The following RARS2 variants were observed in gnomAD, a reference collection of about 807,000 sequenced individuals.
RARS2 encodes the protein arginyl-tRNA synthetase 2, mitochondrial.
Under a neutral mutation model 88.5 loss-of-function variants are expected in RARS2, and 67 were observed. The observed-to-expected ratio is 0.76, with a 90% CI of 0.62 to 0.93. RARS2 has a LOEUF of 0.93. Ranked by LOEUF, RARS2 falls within the 40% of genes least tolerant of loss-of-function variation. The probability of loss-of-function intolerance (pLI) is 0.00; values close to 1 mark genes in which losing one functional copy is unlikely to be tolerated. For missense variants in RARS2, 664 were observed against 684.2 expected (o/e 0.97, Z 0.33); for synonymous variants, 239 against 230.3 (o/e 1.04, Z -0.34).
Position 87,555,484 on chromosome 6 carries a change from CA to C in RARS2, c.318del (p.Ile106MetfsTer9). The part of the protein sequence containing the change: ...LLTKTVLQQV[I>X]EDGSKYGLKS... Reference sequence around the variant, plus strand: ...TTTAATCCATATTTTGAGCCATCTTCAATTACTTGTTGTAGCACTGTCTGAA... The same window carrying C: ...TTTAATCCATATTTTGAGCCATCTTCATTACTTGTTGTAGCACTGTCTGAA... On this transcript the variant is annotated frameshift_variant, in exon 5 of 20. Coordinates refer to ENST00000369536, the MANE Select transcript of RARS2 (RefSeq NM_020320.5). LOFTEE classifies it high-confidence loss of function. 1 of 1,613,188 alleles carries C rather than the reference CA, an allele frequency of 6.2e-7. No homozygotes were observed. The highest frequency in any genetic ancestry group is 8.5e-7 in the Non-Finnish European group (1 of 1,179,264).
At chr6:87,531,069 A>T in intron 8 of RARS2, 127 bp from the exon 9 acceptor site, 1 of 1,453,122 alleles carries the variant, frequency 6.9e-7, no homozygotes, top group Non-Finnish European at 9.3e-7. Flanking sequence ...GGTACATTAC[A>T]GAGTGTAACT....
At chr6:87,582,776 T>C (rs536423097) in intron 1 of RARS2, among the ~76,000 whole-genome samples, 11 of 152,320 alleles carry the variant, frequency 7.2e-5, no homozygotes, top group Non-Finnish European at 7.4e-5. Context: ...ACTAGTTTAA[T>C]TGCTTCTTGA....
chr6:87,545,577 T>C (rs1782372398), intron 7 of RARS2, 39 bp downstream of exon 7: 2 of 1,612,604 alleles, frequency 1.2e-6, no homozygotes, highest in Non-Finnish European at 1.7e-6. Flanking sequence ...AAATTGAATT[T>C]TACAATGAAA....
chr6:87,517,749 A>T (rs951929530), intron 17 of RARS2, among the ~76,000 whole-genome samples: 2 of 152,234 alleles, frequency 1.3e-5, no homozygotes, highest in African/African-American at 4.8e-5. Flanking sequence ...ACATATATGT[A>T]TTTGAGATTG....
intron 4 of RARS2, among the ~76,000 whole-genome samples, chr6:87,559,397 G>A (rs1228640312): frequency 6.6e-6 from 1 of 150,646 alleles, no homozygotes; most frequent in Non-Finnish European, 1.5e-5. Context: ...AACCTGGGGG[G>A]CGGAGGTGGG....
At chr6:87,538,364 A>C (rs1779836089) in intron 8 of RARS2, among the ~76,000 whole-genome samples, 1 of 152,190 alleles carries the variant, frequency 6.6e-6, no homozygotes, top group Non-Finnish European at 1.5e-5. Flanking sequence ...TCACAGAAGT[A>C]CCTTATTGCC....
At chr6:87,577,406 A>G (rs976334616) in intron 1 of RARS2, among the ~76,000 whole-genome samples, 3 of 152,102 alleles carry the variant, frequency 2.0e-5, no homozygotes, top group Non-Finnish European at 2.9e-5. Context: ...TTTGTTGTCC[A>G]GGCTGGTCTC....
intron 6 of RARS2, 53 bp from the exon 7 acceptor site, chr6:87,545,752 A>C (rs1782448560): frequency 9.5e-6 from 15 of 1,583,860 alleles, no homozygotes; most frequent in Non-Finnish European, 1.3e-5. Flanking sequence ...ATTTTTTGAC[A>C]TAAGAACCAT....
At chr6:87,519,208 G>GTGTGTATATATATATATA (rs1210109506) in intron 14 of RARS2, 1 of 256,300 alleles carries the variant, frequency 3.9e-6, no homozygotes, top group African/African-American at 2.4e-5. Flanking sequence ...GTGTGTGTGT[G>GTGTGTATATATATATATA]TATATATATA....
At chr6:87,589,752 C>T (rs1776431911) in intron 1 of RARS2, 170 bp downstream of exon 1, 3 of 985,126 alleles carry the variant, frequency 3.0e-6, no homozygotes, top group Non-Finnish European at 3.6e-6. Flanking sequence ...CGACGCTCCA[C>T]AGGACTTCTG....
intron 2 of RARS2, among the ~76,000 whole-genome samples, chr6:87,567,089 T>C (rs1249851643): frequency 1.3e-5 from 2 of 151,222 alleles, no homozygotes; most frequent in Non-Finnish European, 2.9e-5. Flanking sequence ...CCGTCTCTAC[T>C]AAAAATACAA....
At chr6:87,521,187 AAAAT>A (rs778825851) in intron 12 of RARS2, among the ~76,000 whole-genome samples, 6 of 152,236 alleles carry the variant, frequency 3.9e-5, no homozygotes, top group Non-Finnish European at 7.3e-5. Context: ...TCAGAATTGA[AAAAT>A]AAAAAACAAA....
At chr6:87,547,355 T>A (rs1029106793) in intron 6 of RARS2, among the ~76,000 whole-genome samples, 3 of 152,184 alleles carry the variant, frequency 2.0e-5, no homozygotes, top group Non-Finnish European at 4.4e-5. Flanking sequence ...CGCACAACAA[T>A]CTATGCCACA....
chr6:87,577,227 TG>T (rs1771845030), intron 1 of RARS2, among the ~76,000 whole-genome samples: 1 of 152,234 alleles, frequency 6.6e-6, no homozygotes, highest in Non-Finnish European at 1.5e-5. Context: ...GGTCTCACTT[TG>T]TTGCCCAGGC....
In RARS2 at chr6:87,514,248, T is replaced by C. The variant is rs1770784592; in HGVS notation, c.*165A>G. 2.1e-6 allele frequency: 1 copy of C among 473,774 alleles called. No homozygotes were observed. Among genetic ancestry groups the C allele is most frequent in the African/African-American group, 2.0e-5 (1 of 49,796 alleles). 29.3% of individuals were successfully genotyped at this position (473,774 alleles called of 1,614,324 possible). A position where few individuals can be genotyped will look rare whatever the true frequency, so the allele number is the denominator to read the frequency against. ...ATTGCTTGAACCTGGGAGGTGGAGG[T>C]TGCAGTGAGCCAACATCACACCATT... On this transcript the variant is annotated 3_prime_UTR_variant, in exon 20 of 20. Transcript: ENST00000369536.
Position 87,574,436 on chromosome 6 carries a change from C to T in RARS2, c.37-4846G>A, listed in dbSNP as rs77873458. Among the ~76,000 whole-genome samples, 25 of 152,222 alleles carry T rather than the reference C, an allele frequency of 1.6e-4. No homozygotes were observed. The East Asian group carries it at 3.7e-3, about 22-fold the overall frequency. On this transcript the variant is annotated intron_variant, in intron 1 of 19. Transcript: ENST00000369536. ...AAAGGTGAGGTAAGCCAAAAACAAACGTGACATGAGGAGTGAAGAAGTCAT... is the reference window on the plus strand; with the variant it reads ...AAAGGTGAGGTAAGCCAAAAACAAATGTGACATGAGGAGTGAAGAAGTCAT...
intron 4 of RARS2, 107 bp from the exon 5 acceptor site, chr6:87,555,612 C>T: frequency 1.1e-6 from 1 of 877,530 alleles, no homozygotes; most frequent in Admixed American, 2.0e-5. Context: ...ATTTATGGAA[C>T]TGAGAATTTC....
In RARS2 at chr6:87,536,066, C is replaced by T. The variant is rs1471485724; in HGVS notation, c.613-5124G>A. Among the ~76,000 whole-genome samples, 5 of 151,974 alleles carry T rather than the reference C, an allele frequency of 3.3e-5. No individual in the cohort carries two copies. In the East Asian group the frequency reaches 5.8e-4, roughly 18 times the overall value. On this transcript the variant is annotated intron_variant, in intron 8 of 19. Coordinates refer to ENST00000369536, the MANE Select transcript of RARS2 (RefSeq NM_020320.5). ...CATGATATTTATCTCTTATAAGAGGCTGCCCTTACATTTCATAAGAATGGC... is the reference window on the plus strand; with the variant it reads ...CATGATATTTATCTCTTATAAGAGGTTGCCCTTACATTTCATAAGAATGGC...
chr6:87,533,671 T>G (rs1778269234), intron 8 of RARS2, among the ~76,000 whole-genome samples: 2 of 152,208 alleles, frequency 1.3e-5, no homozygotes, highest in Admixed American at 1.3e-4. Context: ...TTAAAAAAAA[T>G]TAACATTCCC....
Sources: gnomAD v4.1 joint callset for allele counts (sites outside exome capture counted in the v4.1 genomes callset) on GRCh38, gnomAD v4.1.1 for gene constraint, MANE v1.5 for transcripts, NCBI Gene and HGNC (gene_info 2026-07-23, HGNC 2026-07-21) for gene names.